Variants in STK4 observed in about 807,000 individuals in gnomAD.
STK4 encodes serine/threonine-protein kinase 4.
A neutral mutation model predicts 64.9 loss-of-function variants in STK4; 30 were observed. The observed-to-expected ratio is 0.46, with a 90% CI of 0.35 to 0.63. The LOEUF (loss-of-function observed/expected upper bound fraction) is 0.63, where lower values mean the gene tolerates loss of function less well. STK4 is among the 20% of genes least tolerant of loss of function. STK4 has a pLI of 0.01. For synonymous variants in STK4, 177 were observed against 199.0 expected, an observed-to-expected ratio of 0.89 and a Z score of 0.93; for missense variants, 466 against 598.5, an observed-to-expected ratio of 0.78 and a Z score of 2.31.
chr20:45,057,697 G>T (rs1234549460), intron 10 of STK4, among the ~76,000 whole-genome samples: 2 of 152,120 alleles, frequency 1.3e-5, no homozygotes, highest in African/African-American at 4.8e-5. Flanking sequence ...TTAAAGAACG[G>T]TTTTATACCA....
At chr20:44,999,423 G>T (rs1347454589) in intron 7 of STK4, among the ~76,000 whole-genome samples, 2 of 152,166 alleles carry the variant, frequency 1.3e-5, no homozygotes, top group African/African-American at 4.8e-5. Context: ...CTTGGAACTT[G>T]TATCCTTTGA....
intron 9 of STK4, among the ~76,000 whole-genome samples, chr20:45,021,133 T>C (rs1273965977): frequency 6.6e-6 from 1 of 152,160 alleles, no homozygotes; most frequent in African/African-American, 2.4e-5. Flanking sequence ...CAAGAATTTT[T>C]AAGTCTCTTC....
intron 9 of STK4, among the ~76,000 whole-genome samples, chr20:45,021,260 A>G (rs989943277): frequency 2.0e-5 from 3 of 152,354 alleles, no homozygotes; most frequent in Admixed American, 6.5e-5. Context: ...TGTTGTGGCC[A>G]TTTTTAAAAA....
intron 2 of STK4, chr20:44,972,736 T>G (rs1263561461): frequency 6.6e-6 from 1 of 152,190 alleles, no homozygotes; most frequent in African/African-American, 2.4e-5. Context: ...ATAATTTTTA[T>G]ACTTTTATAT....
chr20:44,990,527 C>T (rs2067613226), intron 5 of STK4, among the ~76,000 whole-genome samples: 2 of 152,064 alleles, frequency 1.3e-5, no homozygotes, highest in South Asian at 4.1e-4. Flanking sequence ...GGTTGTGAAA[C>T]CTCCAGTACT....
At chr20:45,043,239 T>G (rs2068641643) in intron 10 of STK4, among the ~76,000 whole-genome samples, 1 of 152,240 alleles carries the variant, frequency 6.6e-6, no homozygotes, top group African/African-American at 2.4e-5. Context: ...CACATGTTCT[T>G]TATCCAGTCT....
chr20:45,038,568 A>G (rs1051174812), intron 10 of STK4, among the ~76,000 whole-genome samples: 7 of 152,036 alleles, frequency 4.6e-5, no homozygotes, highest in African/African-American at 1.7e-4. Context: ...CCCAGTTGTT[A>G]TCCCATATAG....
At chr20:44,982,578 T>G (rs2145655091) in intron 4 of STK4, among the ~76,000 whole-genome samples, 1 of 152,322 alleles carries the variant, frequency 6.6e-6, no homozygotes, top group South Asian at 2.1e-4. Context: ...GGGTTTCTGC[T>G]TCTACCTAGC....
chr20:44,986,103 A>G (rs924900525), intron 4 of STK4, among the ~76,000 whole-genome samples: 2 of 152,224 alleles, frequency 1.3e-5, no homozygotes, highest in African/African-American at 4.8e-5. Context: ...GTATTAGGGA[A>G]ACAAAAGTAA....
rs1031072304 is a variant in STK4 at position 45,064,111 on chromosome 20, G to GT, written c.1306-10907_1306-10906insT. 5.3e-5 allele frequency among the ~76,000 whole-genome samples: 8 copies of GT among 151,936 alleles called. 1 individual carries two copies. Among genetic ancestry groups the GT allele is most frequent in the Admixed American group, 3.3e-4 (5 of 15,272 alleles). On this transcript the variant is annotated intron_variant, in intron 10 of 10. Coordinates refer to ENST00000372806, the MANE Select transcript of STK4 (RefSeq NM_006282.5). ...GCGTGAGCCACTGCGCCCGGCCAAG[G>GT]GGGGGGGTCCAGTTTTAATCTTCTG...
chr20:44,981,171 T>G (rs546373987), intron 3 of STK4, among the ~76,000 whole-genome samples: 2 of 150,874 alleles, frequency 1.3e-5, no homozygotes, highest in East Asian at 4.0e-4. Flanking sequence ...TTTGTTTTTT[T>G]TGAGATGGAG....
In STK4 at chr20:45,074,436, G is replaced by T. The variant is rs552211809; in HGVS notation, c.1306-582G>T. Among the ~76,000 whole-genome samples, 336 of 152,140 alleles carry T rather than the reference G, an allele frequency of 2.2e-3. 3 individuals carry two copies. The highest frequency in any genetic ancestry group is 7.6e-3 in the African/African-American group (316 of 41,512). ...CAAGGGTTGCGTCTGTATTCCCAAG[G>T]GGCTTAGACTGTTACCTGGTATATA... On this transcript the variant is annotated intron_variant, in intron 10 of 10. Coordinates refer to ENST00000372806, the MANE Select transcript of STK4 (RefSeq NM_006282.5).
At chr20:45,005,003 C>T (rs1971301452) in intron 9 of STK4, among the ~76,000 whole-genome samples, 3 of 151,652 alleles carry the variant, frequency 2.0e-5, no homozygotes, top group East Asian at 2.0e-4. Flanking sequence ...AAACTCTTGA[C>T]CTCGTAATCC....
chr20:45,007,522 G>A (rs771805142), intron 9 of STK4, among the ~76,000 whole-genome samples: 8 of 151,498 alleles, frequency 5.3e-5, no homozygotes, highest in South Asian at 4.2e-4. Flanking sequence ...ACTCCAGCCC[G>A]GGTGACAGAG....
chr20:44,995,794 C>CTGCCA (rs1036396032), intron 6 of STK4, among the ~76,000 whole-genome samples: 1 of 152,082 alleles, frequency 6.6e-6, no homozygotes, highest in African/African-American at 2.4e-5. Flanking sequence ...TGATAGCCCT[C>CTGCCA]TGGCAGGACA....
chr20:45,000,706 A>G, intron 8 of STK4, 186 bp downstream of exon 8: 1 of 809,814 alleles, frequency 1.2e-6, no homozygotes, highest in South Asian at 2.0e-5. Context: ...TTCTTCTCCC[A>G]GTGCTTCCTA....
At chr20:45,057,016 C>G (rs2145449981) in intron 10 of STK4, among the ~76,000 whole-genome samples, 1 of 152,316 alleles carries the variant, frequency 6.6e-6, no homozygotes, top group African/African-American at 2.4e-5. Context: ...GGGTTACTGG[C>G]CATCCGGTGG....
intron 4 of STK4, among the ~76,000 whole-genome samples, chr20:44,986,022 C>T (rs376051697): frequency 6.6e-6 from 1 of 152,182 alleles, no homozygotes; most frequent in East Asian, 1.9e-4. Flanking sequence ...ATATTCTATA[C>T]TAGTTTCTAG....
chr20:45,033,017 G>A (rs1284724755), intron 10 of STK4, among the ~76,000 whole-genome samples: 1 of 152,120 alleles, frequency 6.6e-6, no homozygotes, highest in Non-Finnish European at 1.5e-5. Context: ...TTTTTCTAAT[G>A]GTTAGTGATG....
Sources: gnomAD v4.1 joint callset for allele counts (sites outside exome capture counted in the v4.1 genomes callset) on GRCh38, gnomAD v4.1.1 for gene constraint, MANE v1.5 for transcripts, NCBI Gene and HGNC (gene_info 2026-07-23, HGNC 2026-07-21) for gene names.